The following LRP1 variants were observed in gnomAD, a reference collection of about 807,000 sequenced individuals.
LRP1 encodes the protein LDL receptor related protein 1.
Under a neutral mutation model 541.5 loss-of-function variants are expected in LRP1, and 51 were observed. That is an observed-to-expected ratio of 0.09 (90% CI 0.08 to 0.12). The LOEUF (loss-of-function observed/expected upper bound fraction) is 0.12. Among genes scored for constraint, LRP1 ranks in the 10% least tolerant of loss-of-function variants. The pLI is 1.00. For missense variants in LRP1, 3,878 were observed against 6,376.2 expected (o/e 0.61, Z 13.34); for synonymous variants, 2,219 against 2,470.8 (o/e 0.90, Z 3.02).
Position 57,201,076 on chromosome 12 carries a change from C to A in LRP1, c.10268C>A (p.Thr3423Asn). Residue 3423 changes from threonine to asparagine, a missense_variant, in exon 65 of 89, where the codon ACC becomes AAC. Physicochemically the swap from Thr to Asn is moderately conservative, Grantham distance 65. Transcript: ENST00000243077. The surrounding 1 kb of genome is among the most constrained non-coding windows in gnomAD (Gnocchi z 6.4). ...CCCAGTCAGTTCAAATGCACCAACA[C>A]CAACCGCTGTATTCCCGGCATCTTC... ...CLPSQFKCTN[T>N]NRCIPGIFRC... is the part of the protein sequence containing the mutation. 6.2e-7 allele frequency: 1 copy of A among 1,614,030 alleles called. No homozygotes were observed. The highest frequency in any genetic ancestry group is 8.5e-7 in the Non-Finnish European group (1 of 1,179,986).
chr12:57,175,344 G>A, intron 22 of LRP1, 116 bp from the exon 23 acceptor site: 1 of 1,233,858 alleles, frequency 8.1e-7, no homozygotes, highest in Non-Finnish European at 1.2e-6. Context: ...TGGGGCCGTG[G>A]GCAGGGCACA....
In LRP1 at chr12:57,202,543, T is replaced by TGGCGG; in HGVS notation, c.10711+6_10711+7insGGCGG. 1 of 1,523,636 alleles carries TGGCGG rather than the reference T, an allele frequency of 6.6e-7. No individual in the cohort carries two copies. The highest frequency in any genetic ancestry group is 8.9e-7 in the Non-Finnish European group (1 of 1,124,812). The allele number at this position is 1,523,636 out of a possible 1,614,324, so 94.4% of individuals were successfully genotyped here. On this transcript the variant is annotated splice_region_variant and intron_variant, in intron 68 of 88. Coordinates refer to ENST00000243077, the MANE Select transcript of LRP1 (RefSeq NM_002332.3). The stretch of plus-strand genomic sequence containing the variant: ...CTCCGATGAAGAGAGCTGCAGTACG[T>TGGCGG]CCCCACCCACCCAGCCCCGCATGAG...
Position 57,199,859 on chromosome 12 carries a change from C to T in LRP1, c.9866-18C>T, listed in dbSNP as rs553631204. ...GGCCAGAAAATGTCACCATATTTCA[C>T]GACGTTTTCTCTGGCAGTGCCCAAT... On this transcript the variant is annotated intron_variant, in intron 61 of 88. Coordinates refer to ENST00000243077, the MANE Select transcript of LRP1 (RefSeq NM_002332.3). 40 of 1,572,786 alleles carry T rather than the reference C, an allele frequency of 2.5e-5. No homozygotes were observed. The East Asian group carries it at 3.0e-4, about 12-fold the overall frequency.
Position 57,211,019 on chromosome 12 carries a change from A to C in LRP1, c.12916+140A>C. ...GGCCTTATGCAGCTGAGCCAGGCCC[A>C]AGCTGCTGGCGCTTCCCCACAAAGG... On this transcript the variant is annotated intron_variant, in intron 83 of 88. Transcript: ENST00000243077. The surrounding 1 kb of genome is among the most constrained non-coding windows in gnomAD (Gnocchi z 4.3). The C allele has an allele frequency of 1.4e-6, 2 of 1,380,644 alleles. No homozygotes were observed. The highest frequency in any genetic ancestry group is 2.0e-6 in the Non-Finnish European group (2 of 1,019,846). 85.5% of individuals were successfully genotyped at this position (1,380,644 alleles called of 1,614,324 possible).
intron 44 of LRP1, 95 bp downstream of exon 44, chr12:57,191,607 C>T: frequency 9.2e-7 from 1 of 1,087,436 alleles, no homozygotes; most frequent in Non-Finnish European, 1.3e-6. Flanking sequence ...ATACCACACG[C>T]ACCCTACACA....
Position 57,212,574 on chromosome 12 carries a change from TG to T in LRP1, c.*20del, listed in dbSNP as rs2036941535. On this transcript the variant is annotated 3_prime_UTR_variant, in exon 89 of 89. Transcript: ENST00000243077. This position sits in a 1 kb window ranked among gnomAD's most constrained non-coding sequence, Gnocchi z 5.0. ...GGCATAGGGCCCTGCCCCGTCGGAC[TG>T]CCCCCAGAAAGCCTCCTGCCCCCTG... is the stretch of plus-strand genomic sequence containing the variant. 6.4e-7 allele frequency: 1 copy of T among 1,559,362 alleles called. No individual in the cohort carries two copies. Among genetic ancestry groups the T allele is most frequent in the Non-Finnish European group, 8.7e-7 (1 of 1,151,804 alleles).
In LRP1 at chr12:57,183,218, G is replaced by A. The variant is rs899958810; in HGVS notation, c.5663-161G>A. 1.3e-5 allele frequency among the ~76,000 whole-genome samples: 2 copies of A among 152,120 alleles called. No homozygotes were observed. Among genetic ancestry groups the A allele is most frequent in the African/African-American group, 4.8e-5 (2 of 41,412 alleles). ...CCAGGTGCGCTTCCTCCCGGCCCAT[G>A]CTCTGGCCTCAGGCTAGGGTGTGTG... On this transcript the variant is annotated intron_variant, in intron 34 of 88. Coordinates refer to ENST00000243077, the MANE Select transcript of LRP1 (RefSeq NM_002332.3). This position sits in a 1 kb window ranked among gnomAD's most constrained non-coding sequence, Gnocchi z 6.1.
chr12:57,136,403 C>CG (rs1555179780), intron 1 of LRP1, among the ~76,000 whole-genome samples: 30 of 147,566 alleles, frequency 2.0e-4, no homozygotes, highest in Middle Eastern at 3.6e-3. Context: ...GAGCCCCCCC[C>CG]CCCCGCCATT....
At chr12:57,193,041 A>G (rs1592648648) in intron 45 of LRP1, 71 bp downstream of exon 45, 10 of 1,590,302 alleles carry the variant, frequency 6.3e-6, no homozygotes, top group Non-Finnish European at 8.6e-6. Context: ...CATCTCCCCT[A>G]CATGCTCCAG....
In LRP1 at chr12:57,211,113, C is replaced by A; in HGVS notation, c.12917-63C>A. 1 of 1,553,690 alleles carries A rather than the reference C, an allele frequency of 6.4e-7. No individual in the cohort carries two copies. The highest frequency in any genetic ancestry group is 1.1e-5 in the South Asian group (1 of 87,644). ...ATTATGCAAACAGAAAAGCTCTGTT[C>A]AACCTATGGAGAGCCCTCATGAGGG... On this transcript the variant is annotated intron_variant, in intron 83 of 88. Coordinates refer to ENST00000243077, the MANE Select transcript of LRP1 (RefSeq NM_002332.3). This position sits in a 1 kb window ranked among gnomAD's most constrained non-coding sequence, Gnocchi z 4.3.
At chr12:57,129,107 G>A in intron 1 of LRP1, 76 bp downstream of exon 1, 6 of 1,437,764 alleles carry the variant, frequency 4.2e-6, no homozygotes, top group Non-Finnish European at 5.7e-6. Flanking sequence ...ATACGGATGG[G>A]GAAGGGAGAC....
rs1198774561 is a variant in LRP1 at position 57,204,771 on chromosome 12, G to A, written c.11194+22G>A. On this transcript the variant is annotated intron_variant, in intron 72 of 88. Transcript: ENST00000243077. The surrounding 1 kb of genome is among the most constrained non-coding windows in gnomAD (Gnocchi z 5.3). The stretch of plus-strand genomic sequence containing the variant: ...TGTGGTGAGCAGGGGGCCGACGAGA[G>A]GCCTGCAGGGGACGGGTAGTGCACA... 2.5e-6 allele frequency: 4 copies of A among 1,613,250 alleles called. No homozygotes were observed. The highest frequency in any genetic ancestry group is 3.4e-6 in the Non-Finnish European group (4 of 1,179,614).
chr12:57,183,210 C>T lies in LRP1; in HGVS notation c.5663-169C>T, dbSNP rs532803596. Among the ~76,000 whole-genome samples, 85 of 152,220 alleles carry T rather than the reference C, an allele frequency of 5.6e-4. No homozygotes were observed. Among genetic ancestry groups the T allele is most frequent in the African/African-American group, 2.0e-3 (81 of 41,508 alleles). On this transcript the variant is annotated intron_variant, in intron 34 of 88. Coordinates refer to ENST00000243077, the MANE Select transcript of LRP1 (RefSeq NM_002332.3). The surrounding 1 kb of genome is among the most constrained non-coding windows in gnomAD (Gnocchi z 6.1). ...GCTACCAGCCAGGTGCGCTTCCTCCCGGCCCATGCTCTGGCCTCAGGCTAG... is the reference window on the plus strand; with the variant it reads ...GCTACCAGCCAGGTGCGCTTCCTCCTGGCCCATGCTCTGGCCTCAGGCTAG...
In LRP1 at chr12:57,197,732, C is replaced by A; in HGVS notation, c.9282+68C>A. On this transcript the variant is annotated intron_variant, in intron 58 of 88. Coordinates refer to ENST00000243077, the MANE Select transcript of LRP1 (RefSeq NM_002332.3). The surrounding 1 kb of genome is among the most constrained non-coding windows in gnomAD (Gnocchi z 4.5). Reference sequence around the variant, plus strand: ...GATGACTGTTTTCAGATCGTCTCTCCTTCCCGCCCCACCAACCCAAATTGC... The same window carrying A: ...GATGACTGTTTTCAGATCGTCTCTCATTCCCGCCCCACCAACCCAAATTGC... The A allele has an allele frequency of 6.3e-7, 1 of 1,578,440 alleles. No individual in the cohort carries two copies.
rs374733695 is a variant in LRP1, at chr12:57,211,386, G to T, written c.13091+36G>T. On this transcript the variant is annotated intron_variant, in intron 84 of 88. Transcript: ENST00000243077. The surrounding 1 kb of genome is among the most constrained non-coding windows in gnomAD (Gnocchi z 4.3). ...CCCTCCTCCACAGTTCCACCCAGCT[G>T]GGCCCCTGCCCTGTCCTAGCCCTGC... The T allele has an allele frequency of 1.2e-6, 2 of 1,610,598 alleles. No individual in the cohort carries two copies. The highest frequency in any genetic ancestry group is 1.7e-5 in the Admixed American group (1 of 59,962).
chr12:57,156,085 C>T lies in LRP1; in HGVS notation c.1228-9C>T. On this transcript the variant is annotated splice_polypyrimidine_tract_variant and intron_variant, in intron 8 of 88. Coordinates refer to ENST00000243077, the MANE Select transcript of LRP1 (RefSeq NM_002332.3). The surrounding 1 kb of genome is among the most constrained non-coding windows in gnomAD (Gnocchi z 5.2). ...TCTCATGCTGTCCATTCTTGCCTGC[C>T]CGTCTCAGATTGAGCACCTGTACGG... 6.2e-7 allele frequency: 1 copy of T among 1,611,902 alleles called. No homozygotes were observed. The highest frequency in any genetic ancestry group is 1.3e-5 in the African/African-American group (1 of 75,012).
At chr12:57,190,731 A>G in intron 42 of LRP1, 74 bp from the exon 43 acceptor site, 1 of 1,411,314 alleles carries the variant, frequency 7.1e-7, no homozygotes, top group Non-Finnish European at 9.9e-7. Flanking sequence ...CCAGGTGCCT[A>G]CGCGTCCTGG....
intron 49 of LRP1, 35 bp from the exon 50 acceptor site, chr12:57,194,542 G>A (rs2036485939): frequency 6.2e-7 from 1 of 1,612,368 alleles, no homozygotes; most frequent in Non-Finnish European, 8.5e-7. Context: ...GTGGCCTGCG[G>A]TGAGCAGGGC....
At chr12:57,186,308 C>G (rs1326073796) in intron 41 of LRP1, among the ~76,000 whole-genome samples, 1 of 152,222 alleles carries the variant, frequency 6.6e-6, no homozygotes. Flanking sequence ...ATTCCTCGAG[C>G]TGCTGCGCAG....
Sources: allele counts gnomAD v4.1 joint callset (sites outside exome capture counted in the v4.1 genomes callset), GRCh38; gene constraint gnomAD v4.1.1; non-coding constraint Gnocchi (gnomAD v3.1); transcripts MANE v1.5; gene names NCBI Gene and HGNC (gene_info 2026-07-23, HGNC 2026-07-21).